The following MYO3B variants were observed in gnomAD, a reference collection of about 807,000 sequenced individuals.
MYO3B encodes the protein myosin IIIB, also known as myosin-IIIb.
In MYO3B, 156 loss-of-function variants were observed where a neutral mutation model predicts 174.6. The ratio of observed to expected loss-of-function variants is 0.89; its 90% confidence interval spans 0.78 to 1.02. MYO3B has a LOEUF of 1.02. Among genes scored for constraint, MYO3B ranks in the 50% least tolerant of loss-of-function variants. MYO3B has a pLI of 0.00. For missense variants in MYO3B, 1,632 were observed against 1,639.4 expected (o/e 1.00, Z 0.08); for synonymous variants, 563 against 569.1 (o/e 0.99, Z 0.15).
Position 170,294,777 on chromosome 2 carries a change from A to G in MYO3B, c.750-40608A>G, listed in dbSNP as rs546575012. Among the ~76,000 whole-genome samples, 3 of 152,274 alleles carry G rather than the reference A, an allele frequency of 2.0e-5. No homozygotes were observed. In the South Asian group the frequency reaches 6.2e-4, roughly 32 times the overall value. On this transcript the variant is annotated intron_variant, in intron 7 of 34. Transcript: ENST00000408978. ...TACAACACCAAGATTGAACTTTAAGATAAACTATGGACTTTGAGTGATAGT... is the reference window on the plus strand; with the variant it reads ...TACAACACCAAGATTGAACTTTAAGGTAAACTATGGACTTTGAGTGATAGT...
In MYO3B at chr2:170,400,287, G is replaced by A; in HGVS notation, c.1891G>A (p.Val631Met). The A allele has an allele frequency of 6.2e-7, 1 of 1,614,048 alleles. No individual in the cohort carries two copies. Among genetic ancestry groups the A allele is most frequent in the Non-Finnish European group, 8.5e-7 (1 of 1,180,022 alleles). Residue 631 changes from valine (V) to methionine (M), a missense_variant, in exon 17 of 35, where the codon GTG becomes ATG. Physicochemically the swap from Val to Met is conservative, Grantham distance 21 (BLOSUM62 1). Coordinates refer to ENST00000408978, the MANE Select transcript of MYO3B (RefSeq NM_138995.5). The part of the protein sequence containing the change: ...SSQHQTDKSE[V>M]PNAEALQNAA... ...TCAACATCAGACTGATAAAAGTGAG[G>A]TGCCCAATGCTGAAGCTTTGCAAAA...
chr2:170,420,643 A>T (rs1050636631), intron 22 of MYO3B, among the ~76,000 whole-genome samples: 16 of 152,228 alleles, frequency 1.1e-4, no homozygotes, highest in Admixed American at 2.0e-4. Flanking sequence ...ATCAGTCTGC[A>T]GCTGGAGCTG....
intron 8 of MYO3B, among the ~76,000 whole-genome samples, chr2:170,343,047 ACACACACACACACACAC>A (rs2093988478): frequency 1.5e-5 from 2 of 132,360 alleles, no homozygotes; most frequent in Non-Finnish European, 3.2e-5. Flanking sequence ...ACACACACAC[ACACACACACACACACAC>A]ACACACACAC....
intron 7 of MYO3B, among the ~76,000 whole-genome samples, chr2:170,282,403 A>G (rs1460910067): frequency 6.6e-6 from 1 of 152,180 alleles, no homozygotes; most frequent in East Asian, 1.9e-4. Context: ...GTCAAACATC[A>G]GTTGGCTGTA....
At chr2:170,309,927 T>G (rs1030958137) in intron 7 of MYO3B, among the ~76,000 whole-genome samples, 1 of 152,200 alleles carries the variant, frequency 6.6e-6, no homozygotes, top group African/African-American at 2.4e-5. Flanking sequence ...CATTCCCTAT[T>G]TCTCCCAGAC....
At chr2:170,425,029 A>G (rs1209289115) in intron 22 of MYO3B, among the ~76,000 whole-genome samples, 3 of 152,198 alleles carry the variant, frequency 2.0e-5, no homozygotes, top group African/African-American at 7.2e-5. Flanking sequence ...AAAGCCATTT[A>G]TACTTTATTA....
At chr2:170,346,060 T>C (rs1405881602) in intron 8 of MYO3B, 1 of 152,088 alleles carries the variant, frequency 6.6e-6, no homozygotes, top group African/African-American at 2.4e-5. Context: ...CCTAGGAAAT[T>C]AATACACTCC....
chr2:170,557,270 G>C (rs913444762), intron 32 of MYO3B, among the ~76,000 whole-genome samples: 2 of 151,790 alleles, frequency 1.3e-5, no homozygotes, highest in African/African-American at 2.4e-5. Context: ...TTCCGGAGTT[G>C]CTGGGACTAC....
intron 28 of MYO3B, among the ~76,000 whole-genome samples, chr2:170,509,442 CAAATT>C (rs1475722124): frequency 6.6e-6 from 1 of 152,168 alleles, no homozygotes; most frequent in African/African-American, 2.4e-5. Context: ...TGTCAAATCT[CAAATT>C]AGATTACAGT....
chr2:170,369,262 C>T lies in MYO3B; in HGVS notation c.856C>T (p.His286Tyr), dbSNP rs544932338. Reference sequence around the variant, plus strand: ...TTTTGAAAGGCGACCTTCCGTCACACATCTCCTTGACCACCCATTTATTAA... The same window carrying T: ...TTTTGAAAGGCGACCTTCCGTCACATATCTCCTTGACCACCCATTTATTAA... ...KDFERRPSVTHLLDHPFIKGV... is the reference protein window; with the variant it reads ...KDFERRPSVTYLLDHPFIKGV... The change falls in exon 9 of 35, where the codon CAT becomes TAT. Residue 286 changes from histidine (H) to tyrosine (Y), a missense_variant. By Grantham distance (83) the His-to-Tyr change is moderately conservative. Coordinates refer to ENST00000408978, the MANE Select transcript of MYO3B (RefSeq NM_138995.5). 7 of 1,613,660 alleles carry T rather than the reference C, an allele frequency of 4.3e-6. No individual in the cohort carries two copies. The African/African-American group carries it at 8.0e-5, about 18-fold the overall frequency.
At chr2:170,307,281 T>C (rs1255259968) in intron 7 of MYO3B, among the ~76,000 whole-genome samples, 4 of 146,704 alleles carry the variant, frequency 2.7e-5, no homozygotes, top group Non-Finnish European at 4.5e-5. Flanking sequence ...CTGTGATTCA[T>C]CATTTACTTT....
At chr2:170,578,435 G>A (rs1692929584) in intron 32 of MYO3B, among the ~76,000 whole-genome samples, 1 of 152,250 alleles carries the variant, frequency 6.6e-6, no homozygotes, top group Non-Finnish European at 1.5e-5. Context: ...TTTCTATGAA[G>A]TACTTTGTTT....
intron 23 of MYO3B, among the ~76,000 whole-genome samples, chr2:170,452,329 C>T (rs909294582): frequency 2.0e-5 from 3 of 152,144 alleles, no homozygotes; most frequent in African/African-American, 7.2e-5. Context: ...TCTGTGGTGC[C>T]ACCTCTGTTT....
At chr2:170,516,699 A>C (rs1345979140) in intron 29 of MYO3B, among the ~76,000 whole-genome samples, 1 of 151,838 alleles carries the variant, frequency 6.6e-6, no homozygotes, top group Non-Finnish European at 1.5e-5. Context: ...TTTTGGAAGG[A>C]TTTAGTTCCT....
At chr2:170,524,408 G>T (rs1184167170) in intron 30 of MYO3B, 1 of 390,754 alleles carries the variant, frequency 2.6e-6, no homozygotes, top group African/African-American at 2.1e-5. Context: ...TTTGAATTCA[G>T]ATCTTCTGTC....
At chr2:170,265,501 T>C (rs961318346) in intron 7 of MYO3B, among the ~76,000 whole-genome samples, 9 of 152,242 alleles carry the variant, frequency 5.9e-5, no homozygotes, top group Admixed American at 3.9e-4. Context: ...AAGATTTGAG[T>C]GATACAGAGA....
intron 30 of MYO3B, among the ~76,000 whole-genome samples, chr2:170,524,099 A>T (rs1378480073): frequency 6.6e-6 from 1 of 152,216 alleles, no homozygotes; most frequent in Non-Finnish European, 1.5e-5. Flanking sequence ...TGCAAATAAG[A>T]ACTGAAGGGA....
chr2:170,630,343 G>A (rs1192090417), intron 32 of MYO3B, among the ~76,000 whole-genome samples: 2 of 152,208 alleles, frequency 1.3e-5, no homozygotes, highest in African/African-American at 4.8e-5. Context: ...AGCCTGGCTG[G>A]TGGAGGGGTG....
intron 1 of MYO3B, among the ~76,000 whole-genome samples, chr2:170,185,461 T>C (rs114316388): frequency 4.7e-3 from 710 of 152,300 alleles, no homozygotes; most frequent in Non-Finnish European, 7.0e-3. Flanking sequence ...TGTGAATGCA[T>C]TGATTTGTTT....
Sources: allele counts gnomAD v4.1 joint callset (sites outside exome capture counted in the v4.1 genomes callset), GRCh38; gene constraint gnomAD v4.1.1; transcripts MANE v1.5; gene names NCBI Gene and HGNC (gene_info 2026-07-23, HGNC 2026-07-21).